Variants in HTT observed in about 807,000 individuals in gnomAD.
HTT encodes huntingtin, also known as huntington disease protein.
Under a neutral mutation model 362.3 loss-of-function variants are expected in HTT, and 104 were observed. That is an observed-to-expected ratio of 0.29 (90% confidence interval 0.24 to 0.34). The LOEUF (loss-of-function observed/expected upper bound fraction) is 0.34. HTT is among the 10% of genes least tolerant of loss of function. The pLI, the probability that HTT is intolerant of heterozygous loss-of-function variation, is 1.00. For missense variants in HTT, 3,301 were observed against 3,928.6 expected (o/e 0.84, Z 4.27); for synonymous variants, 1,577 against 1,548.7 (o/e 1.02, Z -0.43).
chr4:3,160,098 A>G (rs1474078529), intron 28 of HTT, among the ~76,000 whole-genome samples, 184 bp from the exon 29 acceptor site: 9 of 152,308 alleles, frequency 5.9e-5, no homozygotes, highest in Middle Eastern at 6.8e-3. Context: ...ATCTGAAAGG[A>G]ATTTCTTTCC....
rs1578549456 is a variant in HTT at position 3,160,475 on chromosome 4, C to G, written c.3864+83C>G. 6.1e-6 allele frequency: 6 copies of G among 979,418 alleles called. No homozygotes were observed. The East Asian group carries it at 7.8e-5, about 13-fold the overall frequency. 60.7% of individuals were successfully genotyped at this position (979,418 alleles called of 1,614,324 possible). On this transcript the variant is annotated intron_variant, in intron 29 of 66. Transcript: ENST00000355072. ...TGGGCTGAGTTCATCTAGGATGGAGCCTGGTTCTCCAGGGTGCCTCCGGGA... is the reference window on the plus strand; with the variant it reads ...TGGGCTGAGTTCATCTAGGATGGAGGCTGGTTCTCCAGGGTGCCTCCGGGA...
At chr4:3,113,563 C>T (rs1294613711) in intron 6 of HTT, among the ~76,000 whole-genome samples, 1 of 152,174 alleles carries the variant, frequency 6.6e-6, no homozygotes, top group Non-Finnish European at 1.5e-5. Context: ...CTCCTGACCT[C>T]AAGTGATCTG....
At position 3,200,025 on chromosome 4, in the gene HTT, A is replaced by G. The variant is rs967055276; in HGVS notation, c.5576+86A>G. On this transcript the variant is annotated intron_variant, in intron 41 of 66. Transcript: ENST00000355072. ...AGTAACCTGAGCTTTGGCCACCGTTAAAGCATTTTCATTTTCCATTTTTTG... is the reference window on the plus strand; with the variant it reads ...AGTAACCTGAGCTTTGGCCACCGTTGAAGCATTTTCATTTTCCATTTTTTG... 12 of 1,114,612 alleles carry G rather than the reference A, an allele frequency of 1.1e-5. No homozygotes were observed. In the African/African-American group the frequency reaches 1.9e-4, roughly 18 times the overall value. The allele number at this position is 1,114,612 out of a possible 1,614,324, so 69.0% of individuals were successfully genotyped here. A position where few individuals can be genotyped will look rare whatever the true frequency, so the allele number is the denominator to read the frequency against.
intron 35 of HTT, 98 bp downstream of exon 35, chr4:3,178,544 A>G (rs1364422652): frequency 9.5e-7 from 1 of 1,056,538 alleles, no homozygotes; most frequent in Non-Finnish European, 1.4e-6. Flanking sequence ...AGTGGCAGCC[A>G]TGTGCTTCTC....
chr4:3,158,965 C>G (rs1717307946), intron 28 of HTT, among the ~76,000 whole-genome samples: 1 of 152,206 alleles, frequency 6.6e-6, no homozygotes, highest in African/African-American at 2.4e-5. Flanking sequence ...GTAATTCTGG[C>G]CTCCCTGGCA....
At chr4:3,207,498 C>A in intron 45 of HTT, 141 bp downstream of exon 45, 1 of 662,742 alleles carries the variant, frequency 1.5e-6, no homozygotes, top group Non-Finnish European at 2.6e-6. Flanking sequence ...CATAATAGAA[C>A]CTTCCTACTT....
intron 1 of HTT, among the ~76,000 whole-genome samples, chr4:3,077,938 C>A (rs1712652477): frequency 6.6e-6 from 1 of 152,196 alleles, no homozygotes; most frequent in Non-Finnish European, 1.5e-5. Context: ...AAATCCTCTT[C>A]TCAAAGTAAG....
chr4:3,152,152 G>A (rs578055675), intron 26 of HTT, among the ~76,000 whole-genome samples: 1 of 150,884 alleles, frequency 6.6e-6, no homozygotes, highest in Admixed American at 6.6e-5. Flanking sequence ...AGGCTGGAGT[G>A]GGTTGGCGCG....
In HTT at chr4:3,074,920, AGCAGCAGCAGCAGCAACAG is replaced by A. The variant is rs1560534991; in HGVS notation, c.96_114del (p.Gln32HisfsTer63). 12 of 1,481,090 alleles carry A rather than the reference AGCAGCAGCAGCAGCAACAG, an allele frequency of 8.1e-6. 1 individual carries two copies. Among genetic ancestry groups the A allele is most frequent in the Middle Eastern group, 4.6e-4 (2 of 4,334 alleles). The allele number at this position is 1,481,090 out of a possible 1,614,324, so 91.7% of individuals were successfully genotyped here. A position where few individuals can be genotyped will look rare whatever the true frequency, so the allele number is the denominator to read the frequency against. The stretch of plus-strand genomic sequence containing the variant: ...CAGCAGCAGCAGCAGCAGCAGCAGC[AGCAGCAGCAGCAGCAACAG>A]CCGCCACCGCCGCCGCCGCCGCCGC... On this transcript the variant is annotated frameshift_variant, in exon 1 of 67. Transcript: ENST00000355072. LOFTEE classifies it high-confidence loss of function.
intron 38 of HTT, among the ~76,000 whole-genome samples, chr4:3,187,341 G>C (rs908175527): frequency 1.3e-5 from 2 of 151,928 alleles, no homozygotes; most frequent in African/African-American, 4.8e-5. Context: ...ATTTTTAGTA[G>C]AGACGGGGTT....
At chr4:3,113,479 A>G (rs1714864963) in intron 6 of HTT, among the ~76,000 whole-genome samples, 1 of 152,040 alleles carries the variant, frequency 6.6e-6, no homozygotes, top group South Asian at 2.1e-4. Context: ...GCAGGTGCGT[A>G]CCACCATGCC....
At chr4:3,109,138 T>C (rs2110165272) in intron 6 of HTT, among the ~76,000 whole-genome samples, 1 of 152,206 alleles carries the variant, frequency 6.6e-6, no homozygotes, top group South Asian at 2.1e-4. Flanking sequence ...GTAGTTCCCT[T>C]CCTACTTTTT....
At chr4:3,133,842 C>CT (rs1311503437) in intron 18 of HTT, among the ~76,000 whole-genome samples, 11 of 152,146 alleles carry the variant, frequency 7.2e-5, no homozygotes, top group Non-Finnish European at 1.2e-4. Context: ...TCAGTTGTGT[C>CT]TTTTTTGAGC....
intron 64 of HTT, among the ~76,000 whole-genome samples, chr4:3,236,540 G>T (rs1464916584): frequency 6.6e-6 from 1 of 152,204 alleles, no homozygotes; most frequent in Admixed American, 6.5e-5. Context: ...TTGGGGGTGT[G>T]GCAGGGGGCA....
intron 50 of HTT, among the ~76,000 whole-genome samples, chr4:3,214,614 T>G (rs1720311297): frequency 6.6e-6 from 1 of 152,242 alleles, no homozygotes; most frequent in Non-Finnish European, 1.5e-5. Flanking sequence ...TAGCCACAAT[T>G]TTTAAAAAAT....
At position 3,142,871 on chromosome 4, in the gene HTT, C is replaced by T. The variant is rs766887224; in HGVS notation, c.3051C>T (p.Thr1017=). Residue 1017 remains threonine, a synonymous_variant, in exon 23 of 67, where the codon ACC becomes ACT. Transcript: ENST00000355072. ...TTTCTCATGAACTAATCACATCAACCACCAGAGCACTCACAGTAAGTCTCT... is the reference window on the plus strand; with the variant it reads ...TTTCTCATGAACTAATCACATCAACTACCAGAGCACTCACAGTAAGTCTCT... ...AAVSHELITS[T]TRALTFGCCE... is the part of the protein sequence containing the mutation. 2 of 1,612,710 alleles carry T rather than the reference C, an allele frequency of 1.2e-6. No homozygotes were observed. The highest frequency in any genetic ancestry group is 3.3e-5 in the Admixed American group (2 of 59,932).
chr4:3,091,783 T>C (rs1432209322), intron 2 of HTT, among the ~76,000 whole-genome samples: 1 of 152,226 alleles, frequency 6.6e-6, no homozygotes, highest in Admixed American at 6.5e-5. Flanking sequence ...ACCTGTCAAA[T>C]TGGCAAACAT....
rs957889723 is a variant in HTT, at chr4:3,242,406, A to G, written c.*2347A>G. 6.6e-6 allele frequency: 1 copy of G among 152,212 alleles called. No homozygotes were observed. The highest frequency in any genetic ancestry group is 2.4e-5 in the African/African-American group (1 of 41,454). The allele number at this position is 152,212 out of a possible 1,614,324, so 9.4% of individuals were successfully genotyped here. On this transcript the variant is annotated 3_prime_UTR_variant, in exon 67 of 67. Transcript: ENST00000355072. Reference sequence around the variant, plus strand: ...ATACATAAAGTATCCATGCATGTGCATATAGACACATCTATAATTTTACAC... The same window carrying G: ...ATACATAAAGTATCCATGCATGTGCGTATAGACACATCTATAATTTTACAC...
intron 51 of HTT, among the ~76,000 whole-genome samples, chr4:3,217,167 C>G (rs1235232178): frequency 6.6e-6 from 1 of 152,178 alleles, no homozygotes; most frequent in African/African-American, 2.4e-5. Flanking sequence ...ACGTAATACA[C>G]ACTCACTGCC....
Sources: allele counts gnomAD v4.1 joint callset (sites outside exome capture counted in the v4.1 genomes callset), GRCh38; gene constraint gnomAD v4.1.1; transcripts MANE v1.5; gene names NCBI Gene and HGNC (gene_info 2026-07-23, HGNC 2026-07-21).